Variants in IL16 observed in about 807,000 individuals in gnomAD.
The protein encoded by IL16 is pro-interleukin-16.
A neutral mutation model predicts 110.1 loss-of-function variants in IL16; 67 were observed. That is an observed-to-expected ratio of 0.61 (90% CI 0.50 to 0.75). The LOEUF (loss-of-function observed/expected upper bound fraction) is 0.75. Among genes scored for constraint, IL16 ranks in the 30% least tolerant of loss-of-function variants. The pLI, the probability that IL16 is intolerant of heterozygous loss-of-function variation, is 0.00. For synonymous variants in IL16, 689 were observed against 662.9 expected, an observed-to-expected ratio of 1.04 and a Z score of -0.61; for missense variants, 1,545 against 1,655.0, an observed-to-expected ratio of 0.93 and a Z score of 1.15.
intron 5 of IL16, among the ~76,000 whole-genome samples, chr15:81,270,432 CA>C (rs1898580562): frequency 6.6e-6 from 1 of 152,062 alleles, no homozygotes; most frequent in South Asian, 2.1e-4. Context: ...ATGGTCTGTC[CA>C]GGGGGAGGGG....
chr15:81,292,854 G>A lies in IL16; in HGVS notation c.1719G>A (p.Arg573=), dbSNP rs200974943. The change falls in exon 12 of 19, where the codon CGG becomes CGA. Residue 573 remains arginine, a synonymous_variant. Coordinates refer to ENST00000683961, the MANE Select transcript of IL16 (RefSeq NM_172217.5). Reference sequence around the variant, plus strand: ...AGAGCCCACCCCTCCCAGAGAGCCGGGACAGCCACCCGCCGCTGAGACTGA... The same window carrying A: ...AGAGCCCACCCCTCCCAGAGAGCCGAGACAGCCACCCGCCGCTGAGACTGA... The part of the protein sequence containing the change: ...PQESPPLPES[R]DSHPPLRLKK... 2 of 1,613,880 alleles carry A rather than the reference G, an allele frequency of 1.2e-6. No homozygotes were observed. Among genetic ancestry groups the A allele is most frequent in the Non-Finnish European group, 1.7e-6 (2 of 1,179,890 alleles).
At chr15:81,301,651 T>C in intron 15 of IL16, 139 bp downstream of exon 15, 1 of 664,782 alleles carries the variant, frequency 1.5e-6, no homozygotes. Context: ...GGTGGGACAC[T>C]GTAGCACTTG....
At position 81,311,319 on chromosome 15, in the gene IL16, C is replaced by G. The variant is rs956776285; in HGVS notation, c.*2521C>G. ...GATTCATACATTATCTCACTTGTGC[C>G]AACACTCAAGAAGCAGGCTACACTG... On this transcript the variant is annotated 3_prime_UTR_variant, in exon 19 of 19. Coordinates refer to ENST00000683961, the MANE Select transcript of IL16 (RefSeq NM_172217.5). The G allele has an allele frequency of 1.3e-5, 2 of 152,212 alleles. No homozygotes were observed. Among genetic ancestry groups the G allele is most frequent in the African/African-American group, 2.4e-5 (1 of 41,448 alleles). 9.4% of individuals were successfully genotyped at this position (152,212 alleles called of 1,614,324 possible). A position where few individuals can be genotyped will look rare whatever the true frequency, so the allele number is the denominator to read the frequency against.
At chr15:81,297,541 G>A (rs985308507) in intron 13 of IL16, among the ~76,000 whole-genome samples, 5 of 152,148 alleles carry the variant, frequency 3.3e-5, no homozygotes, top group African/African-American at 1.2e-4. Flanking sequence ...TGTCCACATG[G>A]TACACCTGAC....
chr15:81,201,495 T>C (rs1413344014), intron 1 of IL16, among the ~76,000 whole-genome samples: 1 of 152,210 alleles, frequency 6.6e-6, no homozygotes, highest in Non-Finnish European at 1.5e-5. Context: ...GAGATCTTAG[T>C]TGTTCATCCA....
chr15:81,265,925 A>T, intron 4 of IL16, 124 bp downstream of exon 4: 4 of 869,444 alleles, frequency 4.6e-6, no homozygotes, highest in Non-Finnish European at 6.9e-6. Flanking sequence ...TACAGAGGAG[A>T]GGGTCTCGCT....
At chr15:81,268,671 C>A (rs1254388828) in intron 4 of IL16, among the ~76,000 whole-genome samples, 1 of 152,288 alleles carries the variant, frequency 6.6e-6, no homozygotes, top group South Asian at 2.1e-4. Flanking sequence ...GGAAGCACAG[C>A]CTTCAGCCCC....
intron 5 of IL16, 28 bp downstream of exon 5, chr15:81,269,676 G>T: frequency 1.3e-6 from 2 of 1,506,474 alleles, no homozygotes; most frequent in Non-Finnish European, 1.8e-6. Flanking sequence ...CCAACAGGAA[G>T]TCCTGGGGGG....
At chr15:81,273,502 T>A (rs1292362147) in intron 6 of IL16, among the ~76,000 whole-genome samples, 1 of 152,044 alleles carries the variant, frequency 6.6e-6, no homozygotes, top group Non-Finnish European at 1.5e-5. Flanking sequence ...TTCTGACCCT[T>A]CCCTCCTCTC....
In IL16 at chr15:81,310,786, G is replaced by C. The variant is rs1320900580; in HGVS notation, c.*1988G>C. The C allele has an allele frequency of 6.6e-6, 1 of 152,304 alleles. No homozygotes were observed. The highest frequency in any genetic ancestry group is 6.5e-5 in the Admixed American group (1 of 15,282). 9.4% of individuals were successfully genotyped at this position (152,304 alleles called of 1,614,324 possible). A position where few individuals can be genotyped will look rare whatever the true frequency, so the allele number is the denominator to read the frequency against. On this transcript the variant is annotated 3_prime_UTR_variant, in exon 19 of 19. Coordinates refer to ENST00000683961, the MANE Select transcript of IL16 (RefSeq NM_172217.5). ...CATCAAGACTGGAAGGTGGGGACAG[G>C]GATGAGCATGGAGCTGGCCGTGGGC... is the stretch of plus-strand genomic sequence containing the variant.
chr15:81,232,589 A>AT (rs1408494655), intron 2 of IL16, among the ~76,000 whole-genome samples: 3 of 151,996 alleles, frequency 2.0e-5, no homozygotes, highest in Admixed American at 6.6e-5. Context: ...TTGTGAAATG[A>AT]TTTTTTCCTG....
At position 81,300,115 on chromosome 15, in the gene IL16, A is replaced by G. The variant is rs758391556; in HGVS notation, c.2789A>G (p.Asn930Ser). The G allele has an allele frequency of 1.7e-5, 27 of 1,592,882 alleles. No homozygotes were observed. Among genetic ancestry groups the G allele is most frequent in the East Asian group, 4.5e-5 (2 of 44,740 alleles). The change falls in exon 14 of 19, where the codon AAT becomes AGT. Residue 930 changes from asparagine to serine, a missense_variant. Physicochemically the swap from Asn to Ser is conservative, Grantham distance 46. This residue lies in a region of IL16 where 1,185 missense variants were observed against 1,238.8 expected (regional missense o/e 0.96). Coordinates refer to ENST00000683961, the MANE Select transcript of IL16 (RefSeq NM_172217.5). The stretch of plus-strand genomic sequence containing the variant: ...TCCCCTCCCCCAGGGCGGCAGCCCA[A>G]TCAGAAAACTCTCCCCCCTGGCCCG... Reference protein sequence around the residue: ...SESPPPGRQPNQKTLPPGPDP... With the variant: ...SESPPPGRQPSQKTLPPGPDP...
intron 1 of IL16, among the ~76,000 whole-genome samples, chr15:81,199,304 G>T (rs73497389): frequency 2.0e-5 from 3 of 152,036 alleles, no homozygotes; most frequent in Non-Finnish European, 4.4e-5. Flanking sequence ...AAATAAGGAC[G>T]AATCTATGTC....
chr15:81,227,429 G>T (rs1319167052), intron 2 of IL16, among the ~76,000 whole-genome samples: 6 of 152,160 alleles, frequency 3.9e-5, no homozygotes, highest in African/African-American at 1.4e-4. Flanking sequence ...GTGGAGGGGG[G>T]TGCATCACGT....
rs765318580 is a variant in IL16, at chr15:81,299,837, C to G, written c.2511C>G (p.Ser837=). Residue 837 remains serine, a synonymous_variant, in exon 14 of 19, where the codon TCC becomes TCG. Coordinates refer to ENST00000683961, the MANE Select transcript of IL16 (RefSeq NM_172217.5). ...GSHIRASSSS[S]SIRQRISSFE... ...ACATCCGGGCCTCCTCCTCCTCCTC[C>G]TCCATCAGGCAGAGAATCAGCTCCT... 6.2e-7 allele frequency: 1 copy of G among 1,614,018 alleles called. No individual in the cohort carries two copies. The highest frequency in any genetic ancestry group is 8.5e-7 in the Non-Finnish European group (1 of 1,180,026).
chr15:81,278,063 T>C (rs745849464), intron 6 of IL16, among the ~76,000 whole-genome samples: 2 of 151,908 alleles, frequency 1.3e-5, no homozygotes, highest in Non-Finnish European at 2.9e-5. Flanking sequence ...TTTATTTATT[T>C]ATTTATTTTT....
At chr15:81,244,821 T>C (rs1051540949) in intron 2 of IL16, among the ~76,000 whole-genome samples, 6 of 152,174 alleles carry the variant, frequency 3.9e-5, no homozygotes, top group Non-Finnish European at 8.8e-5. Context: ...GCTCTTTTGT[T>C]ATAGTATCAC....
At chr15:81,290,947 C>T (rs1288876612) in intron 11 of IL16, among the ~76,000 whole-genome samples, 2 of 152,192 alleles carry the variant, frequency 1.3e-5, no homozygotes, top group South Asian at 4.1e-4. Flanking sequence ...TTATTTAATT[C>T]TTATAATTCT....
chr15:81,283,244 G>A (rs553630810), intron 9 of IL16, among the ~76,000 whole-genome samples: 16 of 152,300 alleles, frequency 1.1e-4, no homozygotes, highest in African/African-American at 3.8e-4. Flanking sequence ...GGGCCGGGAG[G>A]CAGAGAAGCT....
Sources: gnomAD v4.1 joint callset for allele counts (sites outside exome capture counted in the v4.1 genomes callset) on GRCh38, gnomAD v4.1.1 for gene constraint, gnomAD v4.1.1 regional missense constraint, MANE v1.5 for transcripts, NCBI Gene and HGNC (gene_info 2026-07-23, HGNC 2026-07-21) for gene names.